The following IKBIP variants were observed in gnomAD, a reference collection of about 807,000 sequenced individuals.
IKBIP encodes the protein IKBKB interacting protein, also known as inhibitor of nuclear factor kappa-B kinase-interacting protein.
Under a neutral mutation model 31.0 loss-of-function variants are expected in IKBIP, and 28 were observed. The ratio of observed to expected loss-of-function variants is 0.90; its 90% CI spans 0.67 to 1.24. The LOEUF (loss-of-function observed/expected upper bound fraction) is 1.24, where lower values mean the gene tolerates loss of function less well. Among genes scored for constraint, IKBIP ranks in the 50% most tolerant of loss-of-function variants. The pLI, the probability that IKBIP is intolerant of heterozygous loss-of-function variation, is 0.00. For synonymous variants in IKBIP, 164 were observed against 160.3 expected (o/e 1.02, Z -0.17); for missense variants, 453 against 441.9 (o/e 1.03, Z -0.23).
intron 1 of IKBIP, among the ~76,000 whole-genome samples, chr12:98,644,126 G>A (rs2153301906): frequency 6.6e-6 from 1 of 152,302 alleles, no homozygotes; most frequent in East Asian, 1.9e-4. Context: ...AGGTATTTAT[G>A]GGGTGAGTAG....
chr12:98,640,668 A>G (rs925285166), intron 1 of IKBIP, among the ~76,000 whole-genome samples: 4 of 152,194 alleles, frequency 2.6e-5, no homozygotes, highest in African/African-American at 4.8e-5. Context: ...AAAAATTTCT[A>G]TAAGAGTTTA....
rs145830454 is a variant in IKBIP, at chr12:98,642,686, C to T, written c.179+1837G>A. ...CACGATTTCGGCTCACTGCAACCTCCGCCTCTTGGGTTCAAGTGATTTTCC... is the reference window on the plus strand; with the variant it reads ...CACGATTTCGGCTCACTGCAACCTCTGCCTCTTGGGTTCAAGTGATTTTCC... On this transcript the variant is annotated intron_variant, in intron 1 of 2. Coordinates refer to ENST00000299157, the MANE Select transcript of IKBIP (RefSeq NM_153687.4). Among the ~76,000 whole-genome samples, 679 of 149,680 alleles carry T rather than the reference C, an allele frequency of 4.5e-3. 9 individuals carry two copies. Among genetic ancestry groups the T allele is most frequent in the African/African-American group, 0.016 (643 of 40,556 alleles).
chr12:98,618,357 T>G (rs1368324441), intron 2 of IKBIP, among the ~76,000 whole-genome samples: 1 of 152,030 alleles, frequency 6.6e-6, no homozygotes, highest in Admixed American at 6.6e-5. Flanking sequence ...CCAGGCGCGG[T>G]GGCTCACGCC....
chr12:98,621,232 C>T (rs767052619), downstream of IKBIP, among the ~76,000 whole-genome samples: 5 of 151,936 alleles, frequency 3.3e-5, no homozygotes, highest in Non-Finnish European at 7.4e-5. Context: ...CTGGGCGACA[C>T]AGCAAGACTT....
chr12:98,626,637 G>A lies in IKBIP; in HGVS notation c.427C>T (p.Gln143Ter). 2 of 1,613,926 alleles carry A rather than the reference G, an allele frequency of 1.2e-6. No individual in the cohort carries two copies. The highest frequency in any genetic ancestry group is 1.7e-6 in the Non-Finnish European group (2 of 1,179,998). The change falls in exon 3 of 3, where the codon CAA (glutamine) becomes TAA (stop). Residue 143 changes from glutamine (Q) to a stop codon, truncating the protein, a stop_gained. Coordinates refer to ENST00000299157, the MANE Select transcript of IKBIP (RefSeq NM_153687.4). LOFTEE classifies it high-confidence loss of function. ...DIQNNEEVLT[Q>*]RMQSLNEKFQ... is the part of the protein sequence containing the mutation. ...TTCTCATTAAGGCTTTGCATCCTTT[G>A]AGTGAGCACCTCTTCATTATTTTGA...
chr12:98,613,869 T>C (rs2153292484), exon 3 of IKBIP: 1 of 1,613,246 alleles, frequency 6.2e-7, no homozygotes, highest in African/African-American at 1.3e-5. Context: ...AATCTATCTG[T>C]ATGTTTGTCG....
intron 2 of IKBIP, among the ~76,000 whole-genome samples, chr12:98,615,740 G>C (rs2097605932): frequency 6.6e-6 from 1 of 151,920 alleles, no homozygotes; most frequent in African/African-American, 2.4e-5. Flanking sequence ...ATATAATTGA[G>C]ATCATGCAGT....
exon 3 of IKBIP, chr12:98,614,077 A>G: frequency 6.2e-7 from 1 of 1,612,724 alleles, no homozygotes; most frequent in Non-Finnish European, 8.5e-7. Flanking sequence ...ATATTACATC[A>G]GTTACTAAAC....
downstream of IKBIP, among the ~76,000 whole-genome samples, chr12:98,620,753 T>C (rs2097609468): frequency 6.6e-6 from 1 of 152,192 alleles, no homozygotes; most frequent in South Asian, 2.1e-4. Flanking sequence ...GGCTCACACC[T>C]GTTATCCCAG....
intron 1 of IKBIP, 85 bp downstream of exon 1, chr12:98,644,438 C>T (rs1012901346): frequency 2.9e-6 from 4 of 1,369,314 alleles, no homozygotes; most frequent in Admixed American, 2.4e-5. Flanking sequence ...GTTGGATCAC[C>T]TCCGGCTGGA....
chr12:98,619,651 G>A (rs924481162), downstream of IKBIP, among the ~76,000 whole-genome samples: 9 of 152,162 alleles, frequency 5.9e-5, no homozygotes, highest in South Asian at 1.2e-3. Context: ...GGTGGCTCAC[G>A]CCCGTAATCC....
At chr12:98,632,928 C>G (rs1464264005) in intron 2 of IKBIP, among the ~76,000 whole-genome samples, 1 of 152,000 alleles carries the variant, frequency 6.6e-6, no homozygotes, top group Non-Finnish European at 1.5e-5. Context: ...ACGCCTGGCT[C>G]AGATTCCAAT....
At chr12:98,641,012 C>T (rs557639299) in intron 1 of IKBIP, among the ~76,000 whole-genome samples, 86 of 152,306 alleles carry the variant, frequency 5.6e-4, no homozygotes, top group African/African-American at 1.9e-3. Flanking sequence ...CCGCCCAACT[C>T]GGCCTCCCAA....
chr12:98,637,823 C>T (rs186597403), intron 1 of IKBIP, among the ~76,000 whole-genome samples: 5 of 152,206 alleles, frequency 3.3e-5, no homozygotes, highest in Non-Finnish European at 7.4e-5. Flanking sequence ...TGATTACAGG[C>T]GTGAGCCACC....
At chr12:98,629,105 T>C (rs927530212) in intron 2 of IKBIP, among the ~76,000 whole-genome samples, 1 of 152,198 alleles carries the variant, frequency 6.6e-6, no homozygotes, top group Non-Finnish European at 1.5e-5. Context: ...TATGCCTCTG[T>C]GTAATCCCTA....
At position 98,625,997 on chromosome 12, in the gene IKBIP, CTT is replaced by C; in HGVS notation, c.1065_1066del (p.Ser356TyrfsTer11). On this transcript the variant is annotated frameshift_variant, in exon 3 of 3. Coordinates refer to ENST00000299157, the MANE Select transcript of IKBIP (RefSeq NM_153687.4). LOFTEE classifies it high-confidence loss of function. ...TTTTAAAGTTCCCTTTTCTCCTGTA[CTT>C]GAGTATGCTATAAAATCATGAACTT... The C allele has an allele frequency of 6.6e-7, 1 of 1,519,660 alleles. No individual in the cohort carries two copies. The highest frequency in any genetic ancestry group is 1.3e-5 in the South Asian group (1 of 78,482). The allele number at this position is 1,519,660 out of a possible 1,614,324, so 94.1% of individuals were successfully genotyped here.
downstream of IKBIP, among the ~76,000 whole-genome samples, chr12:98,623,084 T>C (rs2097611349): frequency 6.6e-6 from 1 of 150,884 alleles, no homozygotes; most frequent in Non-Finnish European, 1.5e-5. Flanking sequence ...GTTCAAGTGA[T>C]TCTCCTGCCT....
downstream of IKBIP, among the ~76,000 whole-genome samples, chr12:98,620,969 C>A (rs1440766760): frequency 6.6e-6 from 1 of 151,886 alleles, no homozygotes; most frequent in Non-Finnish European, 1.5e-5. Context: ...CCCTAGTGGC[C>A]GTGCGTGGTG....
In IKBIP at chr12:98,626,384, A is replaced by AGAG; in HGVS notation, c.679_680insCTC (p.Val227delinsAlaLeu). 1 of 1,613,766 alleles carries AGAG rather than the reference A, an allele frequency of 6.2e-7. No individual in the cohort carries two copies. The highest frequency in any genetic ancestry group is 2.2e-5 in the East Asian group (1 of 44,872). ...TGTATCAGAGCCTAGCTGCTCCTCT[A>AGAG]CTCGCAGGAGATCTTCTTCTTCTTG... is the stretch of plus-strand genomic sequence containing the variant. On this transcript the variant is annotated protein_altering_variant, in exon 3 of 3. Coordinates refer to ENST00000299157, the MANE Select transcript of IKBIP (RefSeq NM_153687.4).
Sources: allele counts gnomAD v4.1 joint callset (sites outside exome capture counted in the v4.1 genomes callset), GRCh38; gene constraint gnomAD v4.1.1; transcripts MANE v1.5; gene names NCBI Gene and HGNC (gene_info 2026-07-23, HGNC 2026-07-21).